Variants in NPAS2 observed in about 807,000 individuals in gnomAD.
NPAS2 encodes neuronal PAS domain-containing protein 2.
A neutral mutation model predicts 107.5 loss-of-function variants in NPAS2; 23 were observed. The ratio of observed to expected loss-of-function variants is 0.21; its 90% confidence interval spans 0.15 to 0.30. NPAS2 has a LOEUF of 0.30. NPAS2 is among the 10% of genes least tolerant of loss of function. The pLI, the probability that NPAS2 is intolerant of heterozygous loss-of-function variation, is 1.00. For missense variants in NPAS2, 756 were observed against 1,043.3 expected (o/e 0.72, Z 3.79); for synonymous variants, 403 against 417.5 (o/e 0.97, Z 0.42).
chr2:100,855,629 G>T (rs1678507101), intron 1 of NPAS2, among the ~76,000 whole-genome samples: 1 of 152,188 alleles, frequency 6.6e-6, no homozygotes, highest in Admixed American at 6.5e-5. Flanking sequence ...TTGCCCTCTT[G>T]TTGCTCTCAT....
At chr2:100,841,709 A>G (rs987869725) in intron 1 of NPAS2, among the ~76,000 whole-genome samples, 1 of 152,160 alleles carries the variant, frequency 6.6e-6, no homozygotes, top group Non-Finnish European at 1.5e-5. Context: ...ACACATACAC[A>G]TATACAAACA....
chr2:100,986,782 T>C (rs1677805293), intron 16 of NPAS2: 1 of 152,254 alleles, frequency 6.6e-6, no homozygotes. Flanking sequence ...GTTCAATTAG[T>C]TGATAGGTTG....
chr2:100,880,778 A>G (rs562447745), intron 1 of NPAS2, among the ~76,000 whole-genome samples: 4 of 140,766 alleles, frequency 2.8e-5, no homozygotes, highest in Non-Finnish European at 6.1e-5. Flanking sequence ...AATTTAAACA[A>G]TAATCTGAGG....
At chr2:100,990,167 G>A (rs1040067121) in intron 17 of NPAS2, 89 bp from the exon 18 acceptor site, 4 of 1,156,760 alleles carry the variant, frequency 3.5e-6, no homozygotes, top group Admixed American at 3.8e-5. Context: ...GCAAGGGTAG[G>A]TAGAAGGAGG....
intron 1 of NPAS2, among the ~76,000 whole-genome samples, chr2:100,892,286 A>C (rs937002135): frequency 6.6e-6 from 1 of 152,144 alleles, no homozygotes; most frequent in Non-Finnish European, 1.5e-5. Context: ...TTAATAACAA[A>C]TTTTTCAACT....
intron 1 of NPAS2, among the ~76,000 whole-genome samples, chr2:100,900,335 G>T (rs1048618995): frequency 6.6e-6 from 1 of 152,154 alleles, no homozygotes. Context: ...AGTGAAAAGT[G>T]CTCTGCATCA....
At chr2:100,913,623 A>G (rs987504868) in intron 2 of NPAS2, among the ~76,000 whole-genome samples, 2 of 152,158 alleles carry the variant, frequency 1.3e-5, no homozygotes, top group Admixed American at 1.3e-4. Context: ...CTTCCTAGGA[A>G]TGATAGTTTT....
intron 8 of NPAS2, among the ~76,000 whole-genome samples, 172 bp downstream of exon 8, chr2:100,964,348 C>T (rs909357485): frequency 2.6e-5 from 4 of 152,200 alleles, no homozygotes; most frequent in Non-Finnish European, 4.4e-5. Flanking sequence ...TCCCCTGCCC[C>T]GTTTCCTGCA....
In NPAS2 at chr2:100,970,246, C is replaced by T. The variant is rs146261422; in HGVS notation, c.1056-744C>T. Among the ~76,000 whole-genome samples, 905 of 152,352 alleles carry T rather than the reference C, an allele frequency of 5.9e-3. 8 individuals are homozygous for T. The highest frequency in any genetic ancestry group is 0.021 in the African/African-American group (853 of 41,586). On this transcript the variant is annotated intron_variant, in intron 11 of 20. Transcript: ENST00000335681. ...AGGCTGGGCAGCACTCACCCCTCAC[C>T]CTTCAGGCTGTGCCCTCTACCAGCT...
chr2:100,846,206 T>G (rs1444810973), intron 1 of NPAS2, among the ~76,000 whole-genome samples: 2 of 152,238 alleles, frequency 1.3e-5, no homozygotes, highest in Non-Finnish European at 2.9e-5. Context: ...TAGGGAAAAT[T>G]CTAGGGTGGT....
chr2:100,884,432 A>C (rs1680570570), intron 1 of NPAS2, among the ~76,000 whole-genome samples: 1 of 152,218 alleles, frequency 6.6e-6, no homozygotes. Context: ...TGTACAGCTC[A>C]CTAGCCCCAC....
chr2:100,932,760 TCAGGGTAA>T, intron 3 of NPAS2, 142 bp from the exon 4 acceptor site: 1 of 607,030 alleles, frequency 1.6e-6, no homozygotes, highest in Non-Finnish European at 3.0e-6. Context: ...TCCTTGGAAA[TCAGGGTAA>T]CATATTTCCT....
At chr2:100,848,001 AG>A (rs1253998416) in intron 1 of NPAS2, among the ~76,000 whole-genome samples, 3 of 152,160 alleles carry the variant, frequency 2.0e-5, no homozygotes, top group Non-Finnish European at 2.9e-5. Flanking sequence ...GAAAGAAAAG[AG>A]TTGATGCAGA....
At chr2:100,887,383 A>C (rs1680762943) in intron 1 of NPAS2, among the ~76,000 whole-genome samples, 1 of 152,192 alleles carries the variant, frequency 6.6e-6, no homozygotes, top group African/African-American at 2.4e-5. Flanking sequence ...TGTGCCCACC[A>C]ATCCTGGCAC....
intron 1 of NPAS2, among the ~76,000 whole-genome samples, chr2:100,890,822 C>T (rs1379378064): frequency 6.6e-6 from 1 of 152,174 alleles, no homozygotes; most frequent in African/African-American, 2.4e-5. Context: ...TGCGGGGCCC[C>T]TTGCAGCCCG....
rs112954138 is a variant in NPAS2, at chr2:100,918,128, A to T, written c.33-7018A>T. On this transcript the variant is annotated intron_variant, in intron 2 of 20. Transcript: ENST00000335681. ...ATCTAGGGAATGCAAGGCTATTCAG[A>T]ATTCAAAAATCAATGTAATCCGTTA... 7.8e-3 allele frequency among the ~76,000 whole-genome samples: 1,191 copies of T among 151,970 alleles called. 17 individuals carry two copies. Among genetic ancestry groups the T allele is most frequent in the African/African-American group, 0.027 (1,129 of 41,536 alleles).
At chr2:100,966,820 C>T (rs1676245407) in intron 10 of NPAS2, among the ~76,000 whole-genome samples, 1 of 152,084 alleles carries the variant, frequency 6.6e-6, no homozygotes, top group Admixed American at 6.5e-5. Flanking sequence ...TGGTCTCAAA[C>T]TCCTGACTTC....
At chr2:100,916,311 A>T (rs1242597460) in intron 2 of NPAS2, among the ~76,000 whole-genome samples, 1 of 152,160 alleles carries the variant, frequency 6.6e-6, no homozygotes, top group Non-Finnish European at 1.5e-5. Flanking sequence ...TGTTCCAATG[A>T]TTTTTTTCAG....
intron 1 of NPAS2, among the ~76,000 whole-genome samples, chr2:100,889,269 G>C (rs1415674727): frequency 6.6e-6 from 1 of 152,234 alleles, no homozygotes; most frequent in Non-Finnish European, 1.5e-5. Flanking sequence ...CTGAGTCTTG[G>C]TGTTCGAAGA....
Sources: gnomAD v4.1 joint callset for allele counts (sites outside exome capture counted in the v4.1 genomes callset) on GRCh38, gnomAD v4.1.1 for gene constraint, MANE v1.5 for transcripts, NCBI Gene and HGNC (gene_info 2026-07-23, HGNC 2026-07-21) for gene names.